PKD1: variants seen among roughly 807,000 people sequenced by gnomAD.
PKD1 encodes polycystin 1, transient receptor potential channel interacting.
In PKD1, 81 loss-of-function variants were observed where a neutral mutation model predicts 361.7. The ratio of observed to expected loss-of-function variants is 0.22; its 90% CI spans 0.19 to 0.27. The LOEUF (loss-of-function observed/expected upper bound fraction) is 0.27. Among genes scored for constraint, PKD1 ranks in the 10% least tolerant of loss-of-function variants. PKD1 has a pLI of 1.00. For missense variants in PKD1, 6,399 were observed against 6,118.3 expected, an observed-to-expected ratio of 1.05 and a Z score of -1.53; for synonymous variants, 3,615 against 2,818.3, an observed-to-expected ratio of 1.28 and a Z score of -8.95.
At position 2,089,314 on chromosome 16, in the gene PKD1, A is replaced by C; in HGVS notation, c.*413T>G. The C allele has an allele frequency of 7.4e-6, 2 of 271,848 alleles. No individual in the cohort carries two copies. The highest frequency in any genetic ancestry group is 1.4e-5 in the Non-Finnish European group (2 of 142,472). The allele number at this position is 271,848 out of a possible 1,614,324, so 16.8% of individuals were successfully genotyped here. A position where few individuals can be genotyped will look rare whatever the true frequency, so the allele number is the denominator to read the frequency against. ...AGACACACAGTGAGACGGTGCAGGG[A>C]GTACGGTAGGAACTGGAGAGGTAAT... On this transcript the variant is annotated 3_prime_UTR_variant, in exon 46 of 46. Transcript: ENST00000262304.
rs150681642 is a variant in PKD1, at chr16:2,094,180, C to T, written c.10530G>A (p.Thr3510=). 1.4e-4 allele frequency: 229 copies of T among 1,606,148 alleles called. 2 individuals carry two copies. In the South Asian group the frequency reaches 2.1e-3, roughly 14 times the overall value. The change falls in exon 35 of 46, where the codon ACG becomes ACA. Residue 3510 remains threonine, a synonymous_variant. Transcript: ENST00000262304. ...LSSTPGEKTE[T]LALQRLGELG... is the part of the protein sequence containing the mutation. ...GCTCCCCCAGCCTCTGCAGCGCCAGCGTCTCTGTCTTCTCCCCAGGAGTGC... is the reference window on the plus strand; with the variant it reads ...GCTCCCCCAGCCTCTGCAGCGCCAGTGTCTCTGTCTTCTCCCCAGGAGTGC...
chr16:2,127,725 C>G (rs1381754043), intron 1 of PKD1, among the ~76,000 whole-genome samples: 1 of 151,202 alleles, frequency 6.6e-6, no homozygotes, highest in Non-Finnish European at 1.5e-5. Context: ...ATGGAGCCCA[C>G]TTTACAGGTG....
At position 2,108,077 on chromosome 16, in the gene PKD1, C is replaced by T. The variant is rs777522699; in HGVS notation, c.6916-45G>A. The T allele has an allele frequency of 2.5e-6, 4 of 1,586,820 alleles. 1 individual carries two copies. The South Asian group carries it at 4.5e-5, about 18-fold the overall frequency. On this transcript the variant is annotated intron_variant, in intron 15 of 45. Transcript: ENST00000262304. ...GGCGACGTGGCCTGAGAGCCCCATC[C>T]AGTTTTAAAGCAGAGCCCGGCCCAG...
At position 2,106,020 on chromosome 16, in the gene PKD1, A is replaced by G. The variant is rs28575767; in HGVS notation, c.7708T>C (p.Leu2570=). The G allele has an allele frequency of 0.095, 146,473 of 1,549,208 alleles. 13,182 individuals are homozygous for G. Among genetic ancestry groups the G allele is most frequent in the African/African-American group, 0.46 (32,631 of 71,690 alleles). ...GAAVVALNRS[L]AITLPEPNGS... ...TTGGGCTCTGGGAGGGTGATGGCCA[A>G]AGACCTACGAGCAGAGGGGGGTGGT... Residue 2570 remains leucine (L), a synonymous_variant, in exon 20 of 46, where the codon TTG becomes CTG. Transcript: ENST00000262304. This position sits in a 1 kb window ranked among gnomAD's most constrained non-coding sequence, Gnocchi z 6.5.
intron 1 of PKD1, among the ~76,000 whole-genome samples, chr16:2,130,326 C>G (rs1036307584): frequency 2.6e-5 from 4 of 152,198 alleles, no homozygotes; most frequent in African/African-American, 9.6e-5. Context: ...AGGCCCTACC[C>G]CTGCCCCCGA....
At chr16:2,098,318 C>T (rs1479196445) in intron 30 of PKD1, 2 of 394,310 alleles carry the variant, frequency 5.1e-6, no homozygotes, top group Non-Finnish European at 9.6e-6. Context: ...AGGCGATTGT[C>T]CTGGCTCAGC....
At position 2,109,346 on chromosome 16, in the gene PKD1, G is replaced by C; in HGVS notation, c.5821C>G (p.Pro1941Ala). The change falls in exon 15 of 46, where the codon CCC (proline) becomes GCC (alanine). Residue 1941 changes from proline to alanine, a missense_variant. By Grantham distance (27) the Pro-to-Ala change is conservative. Transcript: ENST00000262304. The part of the protein sequence containing the change: ...LPGPRFSHSF[P>A]RVGDHVVSVR... Reference sequence around the variant, plus strand: ...CTCACCACGTGGTCTCCGACGCGGGGGAAGCTGTGGGAGAAACGGGGCCCG... The same window carrying C: ...CTCACCACGTGGTCTCCGACGCGGGCGAAGCTGTGGGAGAAACGGGGCCCG... The C allele has an allele frequency of 1.3e-6, 2 of 1,591,554 alleles. No homozygotes were observed. The highest frequency in any genetic ancestry group is 1.7e-6 in the Non-Finnish European group (2 of 1,173,254).
In PKD1 at chr16:2,091,604, A is replaced by G; in HGVS notation, c.11538-7T>C. On this transcript the variant is annotated splice_polypyrimidine_tract_variant and splice_region_variant and intron_variant, in intron 41 of 45. Transcript: ENST00000262304. ...CAGGAACACAGCGCGGCTCCTGCGC[A>G]GAGGGTGCGGGTCAGTAGGAGCGGG... 6.4e-7 allele frequency: 1 copy of G among 1,559,984 alleles called. No homozygotes were observed. The highest frequency in any genetic ancestry group is 8.6e-7 in the Non-Finnish European group (1 of 1,161,394).
intron 10 of PKD1, 124 bp downstream of exon 10, chr16:2,115,254 T>G (rs2092611953): frequency 2.7e-6 from 3 of 1,114,120 alleles, no homozygotes; most frequent in South Asian, 1.5e-5. Flanking sequence ...AGGTCAGAGG[T>G]GGCAAGGACG....
At chr16:2,117,359 G>A (rs2092655458) in intron 6 of PKD1, 130 bp downstream of exon 6, 7 of 679,088 alleles carry the variant, frequency 1.0e-5, no homozygotes, top group South Asian at 9.6e-5. Context: ...CCCACCGGCC[G>A]GCGCCACCTG....
Position 2,106,032 on chromosome 16 carries a change from C to T in PKD1, c.7704-8G>A. 1 of 1,606,808 alleles carries T rather than the reference C, an allele frequency of 6.2e-7. No individual in the cohort carries two copies. Among genetic ancestry groups the T allele is most frequent in the South Asian group, 1.1e-5 (1 of 90,980 alleles). On this transcript the variant is annotated splice_region_variant and splice_polypyrimidine_tract_variant and intron_variant, in intron 19 of 45. Transcript: ENST00000262304. The surrounding 1 kb of genome is among the most constrained non-coding windows in gnomAD (Gnocchi z 6.5). ...AGGGTGATGGCCAAAGACCTACGAG[C>T]AGAGGGGGGTGGTGAGCAGGTGGCA...
At position 2,089,305 on chromosome 16, in the gene PKD1, G is replaced by C. The variant is rs921828318; in HGVS notation, c.*422C>G. 1 of 243,540 alleles carries C rather than the reference G, an allele frequency of 4.1e-6. No homozygotes were observed. Among genetic ancestry groups the C allele is most frequent in the African/African-American group, 2.3e-5 (1 of 44,414 alleles). 15.1% of individuals were successfully genotyped at this position (243,540 alleles called of 1,614,324 possible). ...ACTGACACGAGACACACAGTGAGAC[G>C]GTGCAGGGAGTACGGTAGGAACTGG... On this transcript the variant is annotated 3_prime_UTR_variant, in exon 46 of 46. Transcript: ENST00000262304.
In PKD1 at chr16:2,109,305, GT is replaced by G; in HGVS notation, c.5861del (p.Asn1954ThrfsTer3). The G allele has an allele frequency of 1.3e-6, 2 of 1,586,022 alleles. No homozygotes were observed. Reference protein sequence around the residue: ...GDHVVSVRGKNHVSWAQAQVR... With the variant: ...GDHVVSVRGKXHVSWAQAQVR... The stretch of plus-strand genomic sequence containing the variant: ...CCTGCGCCTGGGCCCAGCTCACGTG[GT>G]TTTTGCCCCGCACGCTCACCACGTG... On this transcript the variant is annotated frameshift_variant, in exon 15 of 46. Coordinates refer to ENST00000262304, the MANE Select transcript of PKD1 (RefSeq NM_001009944.3). LOFTEE classifies it high-confidence loss of function.
rs1416448277 is a variant in PKD1 at position 2,114,593 on chromosome 16, G to A, written c.2430C>T (p.Asn810=). ...AGACCACGTCAAAGCTGCAGGAGAG[G>A]TTGTGCCTGGACACGCCATTGCCCA... The part of the protein sequence containing the change: ...AEVGNGVSRH[N]LSCSFDVVSP... Residue 810 remains asparagine, a synonymous_variant, in exon 11 of 46, where the codon AAC becomes AAT. Transcript: ENST00000262304. The A allele has an allele frequency of 3.8e-6, 6 of 1,591,948 alleles. No homozygotes were observed. The African/African-American group carries it at 5.4e-5, about 14-fold the overall frequency.
chr16:2,104,740 C>T (rs1327324700), intron 21 of PKD1, 98 bp from the exon 22 acceptor site: 8 of 765,064 alleles, frequency 1.0e-5, no homozygotes, highest in Non-Finnish European at 1.8e-5. Context: ...CACCCCCAGC[C>T]CTGCAGCTGG....
chr16:2,122,412 A>G (rs1030736565), intron 1 of PKD1, among the ~76,000 whole-genome samples: 9 of 152,150 alleles, frequency 5.9e-5, no homozygotes, highest in East Asian at 1.9e-4. Context: ...CAGGGCCACC[A>G]CTTCCCCCCT....
At chr16:2,124,856 G>A (rs1441259532) in intron 1 of PKD1, among the ~76,000 whole-genome samples, 3 of 152,200 alleles carry the variant, frequency 2.0e-5, no homozygotes. Context: ...CCCTCGGCAG[G>A]GGCAGGACAG....
chr16:2,101,476 G>A (rs2092094618), intron 26 of PKD1, among the ~76,000 whole-genome samples: 1 of 152,118 alleles, frequency 6.6e-6, no homozygotes, highest in African/African-American at 2.4e-5. Context: ...AATTAACTGG[G>A]TGTGGTGGTG....
rs750662535 is a variant in PKD1, at chr16:2,103,598, C to A, written c.8459G>T (p.Ser2820Ile). 1.3e-5 allele frequency: 21 copies of A among 1,610,306 alleles called. No individual in the cohort carries two copies. In the South Asian group the frequency reaches 1.5e-4, roughly 12 times the overall value. Residue 2820 changes from serine (S) to isoleucine (I), a missense_variant, in exon 23 of 46, where the codon AGT becomes ATT. Transcript: ENST00000262304. ...CAGAAAGATGAGCTGCACCACGTCACTGAGGTTGGCCAGGGCCCCGCTGAA... is the reference window on the plus strand; with the variant it reads ...CAGAAAGATGAGCTGCACCACGTCAATGAGGTTGGCCAGGGCCCCGCTGAA... ...EAFSGALANLSDVVQLIFLVD... is the reference protein window; with the variant it reads ...EAFSGALANLIDVVQLIFLVD...
Sources: allele counts gnomAD v4.1 joint callset (sites outside exome capture counted in the v4.1 genomes callset), GRCh38; gene constraint gnomAD v4.1.1; non-coding constraint Gnocchi (gnomAD v3.1); transcripts MANE v1.5; gene names NCBI Gene and HGNC (gene_info 2026-07-23, HGNC 2026-07-21).